The following GRIK4 variants were observed in gnomAD, a reference collection of about 807,000 sequenced individuals.
GRIK4 encodes the protein glutamate receptor ionotropic, kainate 4.
Under a neutral mutation model 104.9 loss-of-function variants are expected in GRIK4, and 40 were observed. The observed-to-expected ratio is 0.38, with a 90% confidence interval of 0.30 to 0.50. GRIK4 has a LOEUF of 0.50. Among genes scored for constraint, GRIK4 ranks in the 20% least tolerant of loss-of-function variants. The pLI is 0.93. For missense variants in GRIK4, 1,047 were observed against 1,308.1 expected (o/e 0.80, Z 3.08); for synonymous variants, 485 against 524.9 (o/e 0.92, Z 1.04).
In GRIK4 at chr11:120,988,217, C is replaced by G. The variant is rs1319458086; in HGVS notation, c.*1957C>G. 1 of 152,152 alleles carries G rather than the reference C, an allele frequency of 6.6e-6. No homozygotes were observed. Among genetic ancestry groups the G allele is most frequent in the East Asian group, 1.9e-4 (1 of 5,190 alleles). The allele number at this position is 152,152 out of a possible 1,614,324, so 9.4% of individuals were successfully genotyped here. ...TTTCTCTTTAACCATCAAATGACAA[C>G]AAGCTGTGCAAGACACTTGTGTCTT... On this transcript the variant is annotated 3_prime_UTR_variant, in exon 21 of 21. Coordinates refer to ENST00000527524, the MANE Select transcript of GRIK4 (RefSeq NM_014619.5).
Position 120,903,048 on chromosome 11 carries a change from T to C in GRIK4, c.1273-2242T>C, listed in dbSNP as rs1942778976. Among the ~76,000 whole-genome samples, 1 of 152,142 alleles carries C rather than the reference T, an allele frequency of 6.6e-6. No individual in the cohort carries two copies. Among genetic ancestry groups the C allele is most frequent in the African/African-American group, 2.4e-5 (1 of 41,420 alleles). ...CAGTCCCTCCATGACCTTGTGTCTG[T>C]CTGGCCCTCCATCTTCCCCAGCCTA... On this transcript the variant is annotated intron_variant, in intron 12 of 20. Coordinates refer to ENST00000527524, the MANE Select transcript of GRIK4 (RefSeq NM_014619.5). This position sits in a 1 kb window ranked among gnomAD's most constrained non-coding sequence, Gnocchi z 4.4.
At chr11:120,568,144 C>T (rs1209986352) in intron 1 of GRIK4, among the ~76,000 whole-genome samples, 1 of 152,220 alleles carries the variant, frequency 6.6e-6, no homozygotes, top group Non-Finnish European at 1.5e-5. Context: ...CACCACTGTA[C>T]TCCAGCCTGG....
intron 19 of GRIK4, among the ~76,000 whole-genome samples, chr11:120,974,128 G>A (rs1159424192): frequency 2.6e-5 from 4 of 152,036 alleles, no homozygotes; most frequent in Admixed American, 1.3e-4. Context: ...GGCTGGTCTC[G>A]AACTCCTGAC....
intron 3 of GRIK4, among the ~76,000 whole-genome samples, chr11:120,692,673 A>C (rs1830090795): frequency 6.6e-6 from 1 of 152,224 alleles, no homozygotes; most frequent in Non-Finnish European, 1.5e-5. Flanking sequence ...AGAGGAACCC[A>C]AACGATGGAG....
chr11:120,651,048 G>A (rs1430582288), intron 1 of GRIK4, among the ~76,000 whole-genome samples: 1 of 152,154 alleles, frequency 6.6e-6, no homozygotes, highest in African/African-American at 2.4e-5. Flanking sequence ...GACTTCTTCA[G>A]GGAAAGCTTT....
intron 3 of GRIK4, among the ~76,000 whole-genome samples, chr11:120,662,142 G>A (rs2135244314): frequency 6.6e-6 from 1 of 152,338 alleles, no homozygotes; most frequent in South Asian, 2.1e-4. Context: ...TGGGAGGGAA[G>A]CAGAAAGCGG....
intron 20 of GRIK4, 105 bp from the exon 21 acceptor site, chr11:120,985,799 C>T (rs1944732203): frequency 2.0e-6 from 2 of 984,166 alleles, no homozygotes; most frequent in Non-Finnish European, 3.0e-6. Context: ...TAAGATGACA[C>T]GATTCTGTGA....
At chr11:120,846,060 C>T (rs1002984555) in intron 8 of GRIK4, among the ~76,000 whole-genome samples, 4 of 152,120 alleles carry the variant, frequency 2.6e-5, no homozygotes, top group African/African-American at 9.7e-5. Flanking sequence ...CCCTCCTGTA[C>T]CTATTCTCTG....
intron 3 of GRIK4, among the ~76,000 whole-genome samples, chr11:120,707,459 A>G (rs1674539508): frequency 1.3e-5 from 2 of 152,216 alleles, no homozygotes; most frequent in Non-Finnish European, 2.9e-5. Context: ...CTATAAATCC[A>G]TGTGGCTCTG....
At chr11:120,984,449 TATAATA>T (rs1203933810) in intron 20 of GRIK4, among the ~76,000 whole-genome samples, 2 of 152,164 alleles carry the variant, frequency 1.3e-5, no homozygotes, top group Non-Finnish European at 2.9e-5. Flanking sequence ...GTGAAATGGA[TATAATA>T]ATAATAGTAA....
chr11:120,841,357 A>C (rs960182928), intron 8 of GRIK4, among the ~76,000 whole-genome samples: 1 of 152,222 alleles, frequency 6.6e-6, no homozygotes, highest in East Asian at 1.9e-4. Flanking sequence ...TATAAGTGGA[A>C]TCATATAATA....
intron 6 of GRIK4, among the ~76,000 whole-genome samples, chr11:120,831,607 G>A (rs112530150): frequency 4.9e-4 from 74 of 152,278 alleles, no homozygotes; most frequent in African/African-American, 1.7e-3. Context: ...TTAAAAGAAC[G>A]TTCTCGAGGG....
At chr11:120,594,547 C>T (rs1948775692) in intron 1 of GRIK4, among the ~76,000 whole-genome samples, 1 of 152,072 alleles carries the variant, frequency 6.6e-6, no homozygotes, top group South Asian at 2.1e-4. Context: ...CTTGTAATGC[C>T]GTATAGGGTA....
chr11:120,769,411 C>A (rs1951898187), intron 3 of GRIK4, among the ~76,000 whole-genome samples: 1 of 152,084 alleles, frequency 6.6e-6, no homozygotes, highest in South Asian at 2.1e-4. Context: ...CATTATAGCA[C>A]AAAAGCAGCT....
intron 3 of GRIK4, among the ~76,000 whole-genome samples, chr11:120,742,167 G>A (rs1951343872): frequency 1.3e-5 from 2 of 152,208 alleles, no homozygotes; most frequent in South Asian, 4.1e-4. Flanking sequence ...CCAACATGGG[G>A]AAACCCCGTC....
At chr11:120,712,842 T>C (rs561052412) in intron 3 of GRIK4, among the ~76,000 whole-genome samples, 3 of 152,304 alleles carry the variant, frequency 2.0e-5, no homozygotes, top group East Asian at 3.9e-4. Context: ...TCCGATCTTC[T>C]CTTCCTTAGA....
chr11:120,908,376 C>G lies in GRIK4; in HGVS notation c.1476+2883C>G, dbSNP rs139420740. ...ATCCTTTCCACCCCTTCCCCCACAG[C>G]TCTAGTGTTCATCTGCAAAGGATTT... is the stretch of plus-strand genomic sequence containing the variant. On this transcript the variant is annotated intron_variant, in intron 13 of 20. Coordinates refer to ENST00000527524, the MANE Select transcript of GRIK4 (RefSeq NM_014619.5). Among the ~76,000 whole-genome samples, 9 of 152,246 alleles carry G rather than the reference C, an allele frequency of 5.9e-5. No individual in the cohort carries two copies. The East Asian group carries it at 1.7e-3, about 29-fold the overall frequency.
At chr11:120,753,678 G>T (rs1951601867) in intron 3 of GRIK4, among the ~76,000 whole-genome samples, 1 of 152,134 alleles carries the variant, frequency 6.6e-6, no homozygotes, top group South Asian at 2.1e-4. Flanking sequence ...TGCTGTGGGG[G>T]AGACAACAGG....
intron 3 of GRIK4, among the ~76,000 whole-genome samples, chr11:120,750,756 A>T (rs1204427260): frequency 6.6e-6 from 1 of 152,118 alleles, no homozygotes; most frequent in Non-Finnish European, 1.5e-5. Context: ...CATTTAATTA[A>T]TGTCATAATA....
Sources: gnomAD v4.1 joint callset for allele counts (sites outside exome capture counted in the v4.1 genomes callset) on GRCh38, gnomAD v4.1.1 for gene constraint, Gnocchi (gnomAD v3.1) non-coding constraint, MANE v1.5 for transcripts, NCBI Gene and HGNC (gene_info 2026-07-23, HGNC 2026-07-21) for gene names.